The following MMP1 variants were observed in gnomAD, a reference collection of about 807,000 sequenced individuals.
MMP1 encodes the protein matrix metallopeptidase 1, also known as interstitial collagenase.
MMP1 carries 51 observed loss-of-function variants against 49.6 expected under a neutral mutation model. That is an observed-to-expected ratio of 1.03 (90% CI 0.82 to 1.30). The LOEUF (loss-of-function observed/expected upper bound fraction) is 1.30, where lower values mean the gene tolerates loss of function less well. Among genes scored for constraint, MMP1 ranks in the 50% most tolerant of loss-of-function variants. The pLI, the probability that MMP1 is intolerant of heterozygous loss-of-function variation, is 0.00. For synonymous variants in MMP1, 230 were observed against 196.8 expected, an observed-to-expected ratio of 1.17 and a Z score of -1.41; for missense variants, 623 against 568.7, an observed-to-expected ratio of 1.10 and a Z score of -0.97.
At chr11:102,791,195 A>T in intron 8 of MMP1, 138 bp downstream of exon 8, 1 of 822,766 alleles carries the variant, frequency 1.2e-6, no homozygotes, top group Non-Finnish European at 2.0e-6. Context: ...TAGACTAAAT[A>T]GATGATAGAT....
At chr11:102,792,780 G>A in intron 6 of MMP1, 42 bp from the exon 7 acceptor site, 2 of 1,582,796 alleles carry the variant, frequency 1.3e-6, no homozygotes, top group Non-Finnish European at 1.7e-6. Context: ...TCTAATTTCT[G>A]GTAATCTCTG....
rs960751833 is a variant in MMP1, at chr11:102,797,300, G to A, written c.306C>T (p.Leu102=). ...GCTCCCAGCGAGGGTTCCCCTCAGT[G>A]AGGACAAACTGAGCCACATCAGGCA... ...CGVPDVAQFV[L]TEGNPRWEQT... is the part of the protein sequence containing the mutation. Residue 102 remains leucine, a synonymous_variant, in exon 2 of 10, where the codon CTC becomes CTT. Transcript: ENST00000315274. The A allele has an allele frequency of 3.1e-6, 5 of 1,614,172 alleles. No homozygotes were observed. Among genetic ancestry groups the A allele is most frequent in the Non-Finnish European group, 4.2e-6 (5 of 1,180,040 alleles).
At position 102,797,463 on chromosome 11, in the gene MMP1, C is replaced by G; in HGVS notation, c.143G>C (p.Gly48Ala). ...ATTTCTCCGCTTTTCAACTTGCCTC[C>G]CATCATTCTTCAGGTTGTAGTATTT... ...LEKYYNLKND[G>A]RQVEKRRNSG... is the part of the protein sequence containing the mutation. The change falls in exon 2 of 10, where the codon GGG (glycine) becomes GCG (alanine). Residue 48 changes from glycine to alanine, a missense_variant. Gly to Ala is a moderately conservative substitution (Grantham distance 60). Transcript: ENST00000315274. 3 of 1,614,170 alleles carry G rather than the reference C, an allele frequency of 1.9e-6. 1 individual carries two copies. The highest frequency in any genetic ancestry group is 2.5e-6 in the Non-Finnish European group (3 of 1,180,026).
At position 102,790,166 on chromosome 11, in the gene MMP1, C is replaced by T. The variant is rs1339312103; in HGVS notation, c.*246G>A. 2 of 315,266 alleles carry T rather than the reference C, an allele frequency of 6.3e-6. No individual in the cohort carries two copies. Among genetic ancestry groups the T allele is most frequent in the Non-Finnish European group, 1.2e-5 (2 of 172,482 alleles). The allele number at this position is 315,266 out of a possible 1,614,324, so 19.5% of individuals were successfully genotyped here. A position where few individuals can be genotyped will look rare whatever the true frequency, so the allele number is the denominator to read the frequency against. On this transcript the variant is annotated 3_prime_UTR_variant, in exon 10 of 10. Transcript: ENST00000315274. ...CTGGAAAAGATCTTTGCAACTCTGG[C>T]CTATATGAATCCATAAGCCACAAAC...
At chr11:102,791,726 A>T (rs1164397784) in intron 7 of MMP1, among the ~76,000 whole-genome samples, 1 of 152,162 alleles carries the variant, frequency 6.6e-6, no homozygotes, top group East Asian at 1.9e-4. Context: ...AAGCTTTGAG[A>T]ATGACTTGTT....
chr11:102,792,649 GC>G lies in MMP1; in HGVS notation c.988del (p.Ala330LeufsTer45), dbSNP rs753853224. 8 of 1,613,992 alleles carry G rather than the reference GC, an allele frequency of 5.0e-6. No homozygotes were observed. The East Asian group carries it at 1.8e-4, about 36-fold the overall frequency. ...FWPQLPNGLEAAYEFADRDEV... is the reference protein window; with the variant it reads ...FWPQLPNGLEXAYEFADRDEV... ...ATCTCTGTCGGCAAATTCGTAAGCA[GC>G]TTCAAGCCCATTTGGCAGTTGTGGC... On this transcript the variant is annotated frameshift_variant, in exon 7 of 10. Coordinates refer to ENST00000315274, the MANE Select transcript of MMP1 (RefSeq NM_002421.4). LOFTEE classifies it high-confidence loss of function.
Position 102,790,397 on chromosome 11 carries a change from T to A in MMP1, c.*15A>T, listed in dbSNP as rs369603830. 6.7e-7 allele frequency: 1 copy of A among 1,487,492 alleles called. No homozygotes were observed. Among genetic ancestry groups the A allele is most frequent in the Admixed American group, 1.8e-5 (1 of 55,348 alleles). 92.1% of individuals were successfully genotyped at this position (1,487,492 alleles called of 1,614,324 possible). A position where few individuals can be genotyped will look rare whatever the true frequency, so the allele number is the denominator to read the frequency against. On this transcript the variant is annotated 3_prime_UTR_variant, in exon 10 of 10. Coordinates refer to ENST00000315274, the MANE Select transcript of MMP1 (RefSeq NM_002421.4). Reference sequence around the variant, plus strand: ...TGGACTCACACCATGTGTTTTCCATTCAAATTAGTAATGTTCAATTTTTCC... The same window carrying A: ...TGGACTCACACCATGTGTTTTCCATACAAATTAGTAATGTTCAATTTTTCC...
chr11:102,790,936 A>G, intron 8 of MMP1, 130 bp from the exon 9 acceptor site: 1 of 644,130 alleles, frequency 1.6e-6, no homozygotes, highest in South Asian at 1.9e-5. Context: ...TGAAATGGGG[A>G]GTGGATGGGA....
chr11:102,797,554 A>G, intron 1 of MMP1, 54 bp from the exon 2 acceptor site: 4 of 1,598,642 alleles, frequency 2.5e-6, no homozygotes, highest in Admixed American at 1.7e-5. Context: ...TCATTATTCT[A>G]AAAATTGATG....
At position 102,795,210 on chromosome 11, in the gene MMP1, G is replaced by A. The variant is rs186925812; in HGVS notation, c.863C>T (p.Thr288Ile). The A allele has an allele frequency of 1.9e-6, 3 of 1,614,066 alleles. No individual in the cohort carries two copies. In the African/African-American group the frequency reaches 4.0e-5, roughly 22 times the overall value. The change falls in exon 6 of 10, where the codon ACT (threonine) becomes ATT (isoleucine). Residue 288 changes from threonine to isoleucine, a missense_variant. Transcript: ENST00000315274. ...CDSKLTFDAITTIRGEVMFFK... is the reference protein window; with the variant it reads ...CDSKLTFDAIITIRGEVMFFK... The stretch of plus-strand genomic sequence containing the variant: ...GAACATCACTTCTCCCCGAATCGTA[G>A]TTATAGCATCAAAGGTTAGCTTACT...
rs371416460 is a variant in MMP1 at position 102,795,243 on chromosome 11, G to C, written c.830C>G (p.Ala277Gly). 2 of 1,613,972 alleles carry C rather than the reference G, an allele frequency of 1.2e-6. No individual in the cohort carries two copies. Among genetic ancestry groups the C allele is most frequent in the Admixed American group, 1.7e-5 (1 of 59,990 alleles). ...VQPIGPQTPK[A>G]CDSKLTFDAI... The stretch of plus-strand genomic sequence containing the variant: ...ATCAAAGGTTAGCTTACTGTCACAC[G>C]CTTTTGGGGTTTGTGGGCCGATGGG... Residue 277 changes from alanine to glycine, a missense_variant, in exon 6 of 10, where the codon GCG becomes GGG. By Grantham distance (60) the Ala-to-Gly change is moderately conservative (BLOSUM62 0). Transcript: ENST00000315274.
Position 102,792,640 on chromosome 11 carries a change from T to A in MMP1, c.998A>T (p.Glu333Val). ...CCGGACTTCATCTCTGTCGGCAAAT[T>A]CGTAAGCAGCTTCAAGCCCATTTGG... The part of the protein sequence containing the change: ...QLPNGLEAAY[E>V]FADRDEVRFF... Residue 333 changes from glutamate (E) to valine (V), a missense_variant, in exon 7 of 10, where the codon GAA becomes GTA. Transcript: ENST00000315274. 6.2e-7 allele frequency: 1 copy of A among 1,613,894 alleles called. No individual in the cohort carries two copies. Among genetic ancestry groups the A allele is most frequent in the Non-Finnish European group, 8.5e-7 (1 of 1,179,834 alleles).
chr11:102,795,291 C>T lies in MMP1; in HGVS notation c.782G>A (p.Gly261Glu). Residue 261 changes from glycine to glutamate, a missense_variant and splice_region_variant, in exon 6 of 10, where the codon GGA (glycine) becomes GAA (glutamate). Physicochemically the swap from Gly to Glu is moderately conservative, Grantham distance 98 (BLOSUM62 -2). Transcript: ENST00000315274. ...DDIDGIQAIYGRSQNPVQPIG... is the reference protein window; with the variant it reads ...DDIDGIQAIYERSQNPVQPIG... ...GGGCTGGACAGGATTTTGGGAACGT[C>T]CTAAGGAAAATAAAATACCTAGAGT... The T allele has an allele frequency of 6.2e-7, 1 of 1,613,798 alleles. No individual in the cohort carries two copies. The highest frequency in any genetic ancestry group is 8.5e-7 in the Non-Finnish European group (1 of 1,179,866).
Position 102,792,632 on chromosome 11 carries a change from C to T in MMP1, c.1006G>A (p.Asp336Asn), listed in dbSNP as rs756000116. The change falls in exon 7 of 10, where the codon GAC (aspartate) becomes AAC (asparagine). Residue 336 changes from aspartate (D) to asparagine (N), a missense_variant. Coordinates refer to ENST00000315274, the MANE Select transcript of MMP1 (RefSeq NM_002421.4). ...NGLEAAYEFA[D>N]RDEVRFFKGN... ...TTGAAAAACCGGACTTCATCTCTGTCGGCAAATTCGTAAGCAGCTTCAAGC... is the reference window on the plus strand; with the variant it reads ...TTGAAAAACCGGACTTCATCTCTGTTGGCAAATTCGTAAGCAGCTTCAAGC... 25 of 1,613,484 alleles carry T rather than the reference C, an allele frequency of 1.5e-5. No individual in the cohort carries two copies. Among genetic ancestry groups the T allele is most frequent in the East Asian group, 8.9e-5 (4 of 44,888 alleles).
Position 102,797,000 on chromosome 11 carries a change from TAAG to T in MMP1, c.499+11_499+13del, listed in dbSNP as rs780246814. The T allele has an allele frequency of 4.4e-6, 7 of 1,608,890 alleles. No homozygotes were observed. Among genetic ancestry groups the T allele is most frequent in the Admixed American group, 3.4e-5 (2 of 59,668 alleles). On this transcript the variant is annotated intron_variant, in intron 3 of 9. Transcript: ENST00000315274. ...GGGGCAAGGTGAGGTTAAGGTGCTA[TAAG>T]AAGAACTTACCTCCCCTGACAAAAG...
rs369683438 is a variant in MMP1, at chr11:102,797,365, C to A, written c.241G>T (p.Ala81Ser). 5.3e-5 allele frequency: 86 copies of A among 1,614,078 alleles called. No individual in the cohort carries two copies. Among genetic ancestry groups the A allele is most frequent in the Non-Finnish European group, 7.1e-5 (84 of 1,180,040 alleles). ...FGLKVTGKPD[A>S]ETLKVMKQPR... ...TGCTTCATCACCTTCAGGGTTTCAG[C>A]ATCTGGTTTCCCAGTCACTTTCAGC... Residue 81 changes from alanine (A) to serine (S), a missense_variant, in exon 2 of 10, where the codon GCT becomes TCT. By Grantham distance (99) the Ala-to-Ser change is moderately conservative. Transcript: ENST00000315274.
At chr11:102,795,904 A>G (rs1858174862) in intron 4 of MMP1, among the ~76,000 whole-genome samples, 1 of 152,176 alleles carries the variant, frequency 6.6e-6, no homozygotes, top group African/African-American at 2.4e-5. Flanking sequence ...GACACGTACT[A>G]TTTCACACAG....
chr11:102,797,244 C>T lies in MMP1; in HGVS notation c.350+12G>A, dbSNP rs2134370025. On this transcript the variant is annotated intron_variant, in intron 2 of 9. Coordinates refer to ENST00000315274, the MANE Select transcript of MMP1 (RefSeq NM_002421.4). ...GAAATAGCTCTCTCACTCTGGCCCT[C>T]AGTCTGCCTACCTGTAGGTCAGATG... The T allele has an allele frequency of 6.2e-7, 1 of 1,614,084 alleles. No individual in the cohort carries two copies. The highest frequency in any genetic ancestry group is 1.1e-5 in the South Asian group (1 of 91,072).
In MMP1 at chr11:102,798,054, C is replaced by T; in HGVS notation, c.39G>A (p.Trp13Ter). 3 of 1,613,228 alleles carry T rather than the reference C, an allele frequency of 1.9e-6. No individual in the cohort carries two copies. The highest frequency in any genetic ancestry group is 2.2e-5 in the East Asian group (1 of 44,886). Residue 13 changes from tryptophan to a stop codon, truncating the protein, a stop_gained, in exon 1 of 10, where the codon TGG becomes TGA. Transcript: ENST00000315274. LOFTEE classifies it high-confidence loss of function. ...CTGGGAAGCTGTGAGACACCACACCCCAGAACAGCAGCAGCAGCAGTGGAG... is the reference window on the plus strand; with the variant it reads ...CTGGGAAGCTGTGAGACACCACACCTCAGAACAGCAGCAGCAGCAGTGGAG... ...SFPPLLLLLF[W>*]GVVSHSFPAT...
Sources: allele counts gnomAD v4.1 joint callset (sites outside exome capture counted in the v4.1 genomes callset), GRCh38; gene constraint gnomAD v4.1.1; transcripts MANE v1.5; gene names NCBI Gene and HGNC (gene_info 2026-07-23, HGNC 2026-07-21).